Variants in ACOT11 observed in about 807,000 individuals in gnomAD.
ACOT11 encodes the protein acyl-CoA thioesterase 11.
A neutral mutation model predicts 77.5 loss-of-function variants in ACOT11; 69 were observed. The ratio of observed to expected loss-of-function variants is 0.89; its 90% CI spans 0.73 to 1.09. The LOEUF is 1.09. Ranked by LOEUF, ACOT11 falls within the 50% of genes least tolerant of loss-of-function variation. ACOT11 has a pLI of 0.00. For synonymous variants in ACOT11, 279 were observed against 313.0 expected (o/e 0.89, Z 1.15); for missense variants, 766 against 813.7 (o/e 0.94, Z 0.71).
rs886820594 is a variant in ACOT11, at chr1:54,630,900, G to A, written c.1782+14G>A. Reference sequence around the variant, plus strand: ...GCAATCCCCGTGGTGAGTAAGAAGGGGAGTCCGGAAGCGTCAGGGTAACAA... The same window carrying A: ...GCAATCCCCGTGGTGAGTAAGAAGGAGAGTCCGGAAGCGTCAGGGTAACAA... On this transcript the variant is annotated intron_variant, in intron 16 of 16. Transcript: ENST00000371316. 5.6e-6 allele frequency: 4 copies of A among 714,138 alleles called. No homozygotes were observed. The African/African-American group carries it at 6.9e-5, about 12-fold the overall frequency. The allele number at this position is 714,138 out of a possible 1,614,324, so 44.2% of individuals were successfully genotyped here. A position where few individuals can be genotyped will look rare whatever the true frequency, so the allele number is the denominator to read the frequency against.
intron 1 of ACOT11, among the ~76,000 whole-genome samples, chr1:54,582,770 T>A (rs1475192842): frequency 6.6e-6 from 1 of 151,946 alleles, no homozygotes; most frequent in African/African-American, 2.4e-5. Context: ...TGTGTCGGCG[T>A]CCCTGTGTGT....
At chr1:54,603,758 T>C in intron 10 of ACOT11, 113 bp from the exon 11 acceptor site, 1 of 983,384 alleles carries the variant, frequency 1.0e-6, no homozygotes. Context: ...GACAGGAGTC[T>C]CCCATTCTGC....
rs368907173 is a variant in ACOT11, at chr1:54,623,218, G to A, written c.1630-7516G>A. On this transcript the variant is annotated intron_variant, in intron 15 of 16. Transcript: ENST00000371316. Reference sequence around the variant, plus strand: ...CTGGTCAGAGCTGTAAGTGAGAAGTGGGGATAAGGAGCGAGCGATGAGGGA... The same window carrying A: ...CTGGTCAGAGCTGTAAGTGAGAAGTAGGGATAAGGAGCGAGCGATGAGGGA... The A allele has an allele frequency of 7.5e-5, 83 of 1,106,376 alleles. 1 individual carries two copies. The South Asian group carries it at 1.0e-3, about 13-fold the overall frequency. 68.5% of individuals were successfully genotyped at this position (1,106,376 alleles called of 1,614,324 possible).
At chr1:54,559,053 C>A (rs182154604) in intron 1 of ACOT11, among the ~76,000 whole-genome samples, 1 of 152,166 alleles carries the variant, frequency 6.6e-6, no homozygotes, top group Admixed American at 6.5e-5. Flanking sequence ...GCTCAGCCCC[C>A]GTGAGAGACG....
exon 17 of ACOT11, chr1:54,638,100 G>C (rs537019514): frequency 6.6e-6 from 1 of 152,192 alleles, no homozygotes; most frequent in East Asian, 1.9e-4. Context: ...GGGATTGCAG[G>C]CATGAGCTGC....
At position 54,607,265 on chromosome 1, in the gene ACOT11, G is replaced by C. The variant is rs1644037377; in HGVS notation, c.1502G>C (p.Gly501Ala). Residue 501 changes from glycine (G) to alanine (A), a missense_variant and splice_region_variant, in exon 14 of 16, where the codon GGG (glycine) becomes GCG (alanine). Physicochemically the swap from Gly to Ala is moderately conservative, Grantham distance 60. Coordinates refer to ENST00000343744, the MANE Select transcript of ACOT11 (RefSeq NM_147161.4). The surrounding 1 kb of genome is among the most constrained non-coding windows in gnomAD (Gnocchi z 4.5). ...TCGAGGCGGAAGCCTTGTGACAATG[G>C]GTGTGTGCCTATCTGCTGTGGGGTG... Reference protein sequence around the residue: ...LASRRKPCDNGDPYVIALRSV... With the variant: ...LASRRKPCDNADPYVIALRSV... The C allele has an allele frequency of 6.2e-7, 1 of 1,613,970 alleles. No individual in the cohort carries two copies. The highest frequency in any genetic ancestry group is 1.3e-5 in the African/African-American group (1 of 74,932).
intron 11 of ACOT11, 108 bp from the exon 12 acceptor site, chr1:54,604,238 G>T: frequency 2.0e-6 from 2 of 1,021,336 alleles, no homozygotes; most frequent in African/African-American, 1.6e-5. Context: ...CCCACCCACC[G>T]CCCAACCCAT....
Position 54,597,387 on chromosome 1 carries a change from A to C in ACOT11, c.736A>C (p.Met246Leu). ...CTTTGGGGGCCAGATCATGGCCTGG[A>C]TGGAGAATGTGGCCACCATTGCAGC... ...NTFGGQIMAW[M>L]ENVATIAASR... is the part of the protein sequence containing the mutation. Residue 246 changes from methionine to leucine, a missense_variant, in exon 7 of 16, where the codon ATG becomes CTG. Transcript: ENST00000343744. 1 of 1,613,470 alleles carries C rather than the reference A, an allele frequency of 6.2e-7. No individual in the cohort carries two copies. The highest frequency in any genetic ancestry group is 8.5e-7 in the Non-Finnish European group (1 of 1,179,820).
rs188902293 is a variant in ACOT11, at chr1:54,623,312, G to A, written c.1630-7422G>A. 23 of 1,614,000 alleles carry A rather than the reference G, an allele frequency of 1.4e-5. No homozygotes were observed. In the East Asian group the frequency reaches 2.0e-4, roughly 14 times the overall value. On this transcript the variant is annotated intron_variant, in intron 15 of 16. Coordinates refer to the ACOT11 transcript ENST00000371316. ...GCAGGGTGATGGCAAGGACTATTGC[G>A]GCAATGACCACCACAGACACACAGG...
Position 54,616,218 on chromosome 1 carries a change from G to A in ACOT11, c.1629+8150G>A, listed in dbSNP as rs1644172153. On this transcript the variant is annotated intron_variant, in intron 15 of 16. Transcript: ENST00000371316. ...CAGTGAGTTCCTTTTTTTAAAAAAA[G>A]AAAACTTCTTTCTCATCATAAAAGC... 3.9e-6 allele frequency: 6 copies of A among 1,531,472 alleles called. No individual in the cohort carries two copies. The African/African-American group carries it at 4.2e-5, about 11-fold the overall frequency. The allele number at this position is 1,531,472 out of a possible 1,614,324, so 94.9% of individuals were successfully genotyped here.
rs1156838484 is a variant in ACOT11, at chr1:54,609,039, C to A, written c.1712C>A (p.Thr571Asn). Residue 571 changes from threonine (T) to asparagine (N), a missense_variant, in exon 16 of 16, where the codon ACC (threonine) becomes AAC (asparagine). By Grantham distance (65) the Thr-to-Asn change is moderately conservative (BLOSUM62 0). Coordinates refer to ENST00000343744, the MANE Select transcript of ACOT11 (RefSeq NM_147161.4). ...NVAGLSSEFY[T>N]TFKACEQFLL... ...GCCGGCCTCTCCTCTGAGTTCTACA[C>A]CACCTTCAAGGCTTGTGAGCAGTTT... 1.9e-6 allele frequency: 3 copies of A among 1,614,064 alleles called. No homozygotes were observed. The highest frequency in any genetic ancestry group is 1.3e-5 in the African/African-American group (1 of 74,924).
intron 12 of ACOT11, 95 bp downstream of exon 12, chr1:54,604,524 A>G: frequency 8.6e-7 from 1 of 1,162,790 alleles, no homozygotes; most frequent in Admixed American, 2.0e-5. Flanking sequence ...CTTATGTCAA[A>G]AAAAGATCTC....
At chr1:54,611,521 TCCAC>T, downstream of ACOT11, 1 of 1,434,480 alleles carries the variant, frequency 7.0e-7, no homozygotes, top group Admixed American at 1.8e-5. Context: ...TGATATCCCT[TCCAC>T]CCAGCTCTGC....
intron 15 of ACOT11, among the ~76,000 whole-genome samples, chr1:54,617,709 ATTTTTTTTTTTTT>A (rs56229276): frequency 0.012 from 660 of 55,814 alleles, 11 homozygotes; most frequent in African/African-American, 0.043. Flanking sequence ...AGGGCCTGAG[ATTTTTTTTTTTTT>A]TTTTTTTTTT....
intron 1 of ACOT11, among the ~76,000 whole-genome samples, chr1:54,568,358 C>CTTTTTT (rs71045196): frequency 6.2e-5 from 5 of 80,588 alleles, no homozygotes; most frequent in Non-Finnish European, 1.2e-4. Context: ...TTCCCAGCAC[C>CTTTTTT]TTTTTTTTTT....
intron 8 of ACOT11, chr1:54,599,616 C>A: frequency 2.0e-6 from 1 of 488,248 alleles, no homozygotes; most frequent in Non-Finnish European, 3.1e-6. Context: ...CAGTCCTGCC[C>A]ACCCCTGGCT....
At chr1:54,638,206 A>T (rs889178343) in exon 17 of ACOT11, 5 of 152,228 alleles carry the variant, frequency 3.3e-5, no homozygotes, top group African/African-American at 1.2e-4. Context: ...GTGGCAGACT[A>T]ACTTCTCGAC....
chr1:54,563,070 C>T (rs1324946547), intron 1 of ACOT11, among the ~76,000 whole-genome samples: 2 of 151,486 alleles, frequency 1.3e-5, no homozygotes, highest in East Asian at 1.9e-4. Flanking sequence ...GCTCCTTGCC[C>T]TCGGGCCCTG....
rs897338784 is a variant in ACOT11 at position 54,584,813 on chromosome 1, G to A, written c.192G>A (p.Leu64=). The A allele has an allele frequency of 2.5e-6, 4 of 1,613,970 alleles. No individual in the cohort carries two copies. The highest frequency in any genetic ancestry group is 3.4e-6 in the Non-Finnish European group (4 of 1,180,050). The change falls in exon 2 of 16, where the codon CTG becomes CTA. Residue 64 remains leucine, a synonymous_variant. Transcript: ENST00000343744. This position sits in a 1 kb window ranked among gnomAD's most constrained non-coding sequence, Gnocchi z 6.3. ...LPCHTNQRGE[L]SVGQLLKWID... ...GCCACACCAACCAACGTGGTGAGCT[G>A]AGCGTCGGGCAGCTGCTCAAGTGGA...
Sources: allele counts gnomAD v4.1 joint callset (sites outside exome capture counted in the v4.1 genomes callset), GRCh38; gene constraint gnomAD v4.1.1; non-coding constraint Gnocchi (gnomAD v3.1); transcripts MANE v1.5; gene names NCBI Gene and HGNC (gene_info 2026-07-23, HGNC 2026-07-21).